Variants in ARAP1 observed in about 807,000 individuals in gnomAD.
ARAP1 encodes the protein arf-GAP with Rho-GAP domain, ANK repeat and PH domain-containing protein 1.
Under a neutral mutation model 172.2 loss-of-function variants are expected in ARAP1, and 76 were observed. The observed-to-expected ratio is 0.44, with a 90% CI of 0.37 to 0.53. The LOEUF (loss-of-function observed/expected upper bound fraction) is 0.53. ARAP1 is among the 20% of genes least tolerant of loss of function. The pLI is 0.00. For synonymous variants in ARAP1, 804 were observed against 803.3 expected, an observed-to-expected ratio of 1.00 and a Z score of -0.01; for missense variants, 1,686 against 1,977.5, an observed-to-expected ratio of 0.85 and a Z score of 2.80.
In ARAP1 at chr11:72,713,190, C is replaced by T. The variant is rs775232374; in HGVS notation, c.733G>A (p.Val245Met). The change falls in exon 5 of 35, where the codon GTG becomes ATG. Residue 245 changes from valine (V) to methionine (M), a missense_variant. By Grantham distance (21) the Val-to-Met change is conservative (BLOSUM62 1). This residue lies in a region of ARAP1 where 155 missense variants were observed against 129.2 expected (regional missense o/e 1.20). Transcript: ENST00000393609. Reference protein sequence around the residue: ...PEEGPGAPARVMTKKEEPPPS... With the variant: ...PEEGPGAPARMMTKKEEPPPS... Reference sequence around the variant, plus strand: ...CCTGGCCCCACCTTCTTGGTCATCACTCTGGCTGGGGCCCCCGGCCCCTCC... The same window carrying T: ...CCTGGCCCCACCTTCTTGGTCATCATTCTGGCTGGGGCCCCCGGCCCCTCC... The T allele has an allele frequency of 4.3e-6, 7 of 1,613,724 alleles. No homozygotes were observed. In the East Asian group the frequency reaches 1.3e-4, roughly 31 times the overall value.
At chr11:72,730,658 C>T (rs766821982) in intron 2 of ARAP1, among the ~76,000 whole-genome samples, 125 of 152,192 alleles carry the variant, frequency 8.2e-4, no homozygotes, top group Admixed American at 2.2e-3. Flanking sequence ...CGAGATCACA[C>T]CATTGCATTC....
chr11:72,707,476 C>A (rs1856822534), intron 11 of ARAP1, 102 bp from the exon 12 acceptor site: 1 of 1,139,962 alleles, frequency 8.8e-7, no homozygotes, highest in African/African-American at 1.5e-5. Context: ...GTGTTGGGAG[C>A]GCTTAGGCAA....
intron 3 of ARAP1, chr11:72,721,993 CCCTGGGT>C (rs1857532322): frequency 1.0e-6 from 1 of 985,918 alleles, no homozygotes. Context: ...GGCCCCTGGC[CCCTGGGT>C]GGGTCTGAGG....
At chr11:72,749,839 C>T (rs549287345) in intron 1 of ARAP1, among the ~76,000 whole-genome samples, 1 of 151,596 alleles carries the variant, frequency 6.6e-6, no homozygotes, top group East Asian at 1.9e-4. Flanking sequence ...CCACTGCACT[C>T]CAGCCTGGGC....
chr11:72,696,953 A>C, intron 22 of ARAP1, 30 bp downstream of exon 22: 1 of 1,586,258 alleles, frequency 6.3e-7, no homozygotes, highest in Non-Finnish European at 8.5e-7. Context: ...GTGGAGGAGG[A>C]GGAGGCTGGG....
intron 1 of ARAP1, among the ~76,000 whole-genome samples, chr11:72,750,566 G>A (rs1394194402): frequency 6.6e-6 from 1 of 152,114 alleles, no homozygotes; most frequent in African/African-American, 2.4e-5. Context: ...CTGGAGACAG[G>A]ACTTAGCAGA....
In ARAP1 at chr11:72,712,432, A is replaced by T. The variant is rs1347765087; in HGVS notation, c.878+6T>A. On this transcript the variant is annotated splice_donor_region_variant and intron_variant, in intron 6 of 34. Transcript: ENST00000393609. ...TCAGTGGGAAGGAGGGTGGCCGGAC[A>T]CTCACTTGGGGACGCCCTCATAGGC... 1 of 1,563,416 alleles carries T rather than the reference A, an allele frequency of 6.4e-7. No individual in the cohort carries two copies. The highest frequency in any genetic ancestry group is 8.7e-7 in the Non-Finnish European group (1 of 1,148,198).
intron 1 of ARAP1, among the ~76,000 whole-genome samples, chr11:72,751,047 G>C (rs898537213): frequency 6.6e-6 from 1 of 152,116 alleles, no homozygotes; most frequent in African/African-American, 2.4e-5. Flanking sequence ...TGAGTAGGAG[G>C]CTTGAATGCA....
At chr11:72,687,644 C>G (rs1855747929) in intron 32 of ARAP1, 44 bp downstream of exon 32, 1 of 1,613,876 alleles carries the variant, frequency 6.2e-7, no homozygotes, top group Non-Finnish European at 8.5e-7. Context: ...GACGTGCCAC[C>G]ATCTTTCCTC....
chr11:72,693,248 C>G lies in ARAP1; in HGVS notation c.3954+77G>C. The G allele has an allele frequency of 6.5e-7, 1 of 1,547,680 alleles. No homozygotes were observed. Among genetic ancestry groups the G allele is most frequent in the South Asian group, 1.2e-5 (1 of 83,358 alleles). On this transcript the variant is annotated intron_variant, in intron 29 of 34. Coordinates refer to ENST00000393609, the MANE Select transcript of ARAP1 (RefSeq NM_001040118.3). The surrounding 1 kb of genome is among the most constrained non-coding windows in gnomAD (Gnocchi z 4.6). ...CCTGTAACGGGAATATTTCCACTTG[C>G]AGACCAAGGGGAATCTCTGAGCACA...
chr11:72,734,602 G>C (rs187422018), intron 1 of ARAP1, among the ~76,000 whole-genome samples: 1 of 152,324 alleles, frequency 6.6e-6, no homozygotes, highest in Non-Finnish European at 1.5e-5. Context: ...CCTCACAGCA[G>C]CCCCAGGAGA....
chr11:72,728,940 T>A (rs1001705938), intron 2 of ARAP1, among the ~76,000 whole-genome samples: 1 of 152,026 alleles, frequency 6.6e-6, no homozygotes, highest in Non-Finnish European at 1.5e-5. Flanking sequence ...TGTGGAAAAA[T>A]AAGCAGGAAG....
chr11:72,687,962 A>G (rs1855762446), intron 31 of ARAP1, among the ~76,000 whole-genome samples: 1 of 151,848 alleles, frequency 6.6e-6, no homozygotes, highest in Non-Finnish European at 1.5e-5. Flanking sequence ...TCTGTGATTC[A>G]GTAGGAATGG....
Position 72,701,793 on chromosome 11 carries a change from C to T in ARAP1, c.2168-10G>A, listed in dbSNP as rs144479285. On this transcript the variant is annotated splice_polypyrimidine_tract_variant and intron_variant, in intron 15 of 34. Coordinates refer to ENST00000393609, the MANE Select transcript of ARAP1 (RefSeq NM_001040118.3). Reference sequence around the variant, plus strand: ...TCCAGCCGAGGCACCTCTTTGTAGGCGGGGAAAGGATGGCAGGTCATGCTG... The same window carrying T: ...TCCAGCCGAGGCACCTCTTTGTAGGTGGGGAAAGGATGGCAGGTCATGCTG... 7.3e-4 allele frequency: 1,178 copies of T among 1,612,136 alleles called. 7 individuals are homozygous for T. The African/African-American group carries it at 0.014, about 19-fold the overall frequency.
chr11:72,713,099 T>TA, intron 5 of ARAP1, 77 bp downstream of exon 5: 1 of 1,448,180 alleles, frequency 6.9e-7, no homozygotes, highest in Non-Finnish European at 9.6e-7. Flanking sequence ...CTCTGTCTGG[T>TA]AGTCCTCAGG....
chr11:72,713,801 T>C (rs991669265), intron 4 of ARAP1, among the ~76,000 whole-genome samples: 45 of 147,304 alleles, frequency 3.1e-4, no homozygotes, highest in African/African-American at 1.1e-3. Context: ...GGGCGGAGAT[T>C]GCACCACTGC....
intron 14 of ARAP1, chr11:72,703,313 C>T: frequency 2.3e-6 from 1 of 430,752 alleles, no homozygotes; most frequent in Non-Finnish European, 4.1e-6. Flanking sequence ...ATCCCAGCTG[C>T]CCGGGGCCTC....
rs1037088390 is a variant in ARAP1, at chr11:72,688,794, G to A, written c.3988-257C>T. 2.5e-5 allele frequency: 11 copies of A among 444,668 alleles called. No homozygotes were observed. The Admixed American group carries it at 3.0e-4, about 12-fold the overall frequency. 27.5% of individuals were successfully genotyped at this position (444,668 alleles called of 1,614,324 possible). On this transcript the variant is annotated intron_variant, in intron 30 of 34. Transcript: ENST00000393609. The stretch of plus-strand genomic sequence containing the variant: ...TCAACCCTCAGTCTCCGAGGCAGCC[G>A]TCCCAACTGGGACATCTGTAACAGC...
At chr11:72,694,916 A>C (rs1856111544) in intron 27 of ARAP1, 64 bp downstream of exon 27, 1 of 1,446,068 alleles carries the variant, frequency 6.9e-7, no homozygotes, top group African/African-American at 1.4e-5. Context: ...GGGAGGACAG[A>C]CTGGGGCTAC....
Sources: gnomAD v4.1 joint callset for allele counts (sites outside exome capture counted in the v4.1 genomes callset) on GRCh38, gnomAD v4.1.1 for gene constraint, gnomAD v4.1.1 regional missense constraint, Gnocchi (gnomAD v3.1) non-coding constraint, MANE v1.5 for transcripts, NCBI Gene and HGNC (gene_info 2026-07-23, HGNC 2026-07-21) for gene names.